Variants in PCDH11X observed in about 807,000 individuals in gnomAD.
The protein encoded by PCDH11X is protocadherin-11 X-linked.
In PCDH11X, 18 loss-of-function variants were observed where a neutral mutation model predicts 53.3. The ratio of observed to expected loss-of-function variants is 0.34; its 90% CI spans 0.23 to 0.50. PCDH11X has a LOEUF of 0.50. Ranked by LOEUF, PCDH11X falls within the 20% of genes least tolerant of loss-of-function variation. The pLI is 0.98. For missense variants in PCDH11X, 570 were observed against 1,032.4 expected, an observed-to-expected ratio of 0.55 and a Z score of 6.14; for synonymous variants, 279 against 393.3, an observed-to-expected ratio of 0.71 and a Z score of 3.44.
At chrX:92,214,101 T>C (rs1003926493) in intron 7 of PCDH11X, among the ~76,000 whole-genome samples, 3 of 111,620 alleles carry the variant, frequency 2.7e-5, no homozygotes, top group African/African-American at 9.8e-5. Flanking sequence ...TGGCTTATCA[T>C]GAGGACTCAT....
intron 10 of PCDH11X, among the ~76,000 whole-genome samples, chrX:92,486,228 T>C (rs768352301): frequency 9.0e-6 from 1 of 111,677 alleles, no homozygotes; most frequent in South Asian, 3.7e-4. Flanking sequence ...CAATCTTATT[T>C]ATGAACACTT....
rs1375197002 is a variant in PCDH11X at position 92,083,188 on chromosome X, CTG to C, written c.3034-118183_3034-118182del. On this transcript the variant is annotated intron_variant, in intron 6 of 10. Transcript: ENST00000682573. ...CTAGGAAATATATGGTTGGATGGAACTGTGTCAGAGCAAGCAAGAGTCACCAG... is the reference window on the plus strand; with the variant it reads ...CTAGGAAATATATGGTTGGATGGAACTGTCAGAGCAAGCAAGAGTCACCAG... Among the ~76,000 whole-genome samples the C allele has an allele frequency of 1.8e-5, 2 of 111,760 alleles. 1 individual carries two copies. The highest frequency in any genetic ancestry group is 3.8e-5 in the Non-Finnish European group (2 of 53,209).
At chrX:92,562,122 A>G (rs2075140191) in intron 10 of PCDH11X, among the ~76,000 whole-genome samples, 1 of 68,738 alleles carries the variant, frequency 1.5e-5, no homozygotes, top group Non-Finnish European at 2.8e-5. Context: ...CAAAGGGGGA[A>G]CAAATACCTC....
At chrX:92,116,155 T>A (rs1446778589) in intron 6 of PCDH11X, among the ~76,000 whole-genome samples, 1 of 112,465 alleles carries the variant, frequency 8.9e-6, no homozygotes, top group East Asian at 2.8e-4. Flanking sequence ...ATGCTTAGAA[T>A]GACATACTTG....
intron 7 of PCDH11X, among the ~76,000 whole-genome samples, chrX:92,217,601 A>G (rs1370691893): frequency 1.0e-5 from 1 of 98,958 alleles, no homozygotes; most frequent in East Asian, 3.2e-4. Context: ...CACAATAATA[A>G]TGGGAGGCTT....
At chrX:92,003,608 GTTCAATC>G (rs1237213728) in intron 6 of PCDH11X, among the ~76,000 whole-genome samples, 1 of 97,303 alleles carries the variant, frequency 1.0e-5, no homozygotes, top group Non-Finnish European at 2.1e-5. Context: ...TTTCTTCTTG[GTTCAATC>G]TTGCTAGGTT....
intron 6 of PCDH11X, among the ~76,000 whole-genome samples, chrX:92,094,743 T>G (rs1443079589): frequency 2.7e-5 from 3 of 111,662 alleles, no homozygotes; most frequent in African/African-American, 9.7e-5. Flanking sequence ...ACTAGGACAA[T>G]ATGCTATGCC....
At chrX:92,214,210 TGAA>T (rs2066643608) in intron 7 of PCDH11X, among the ~76,000 whole-genome samples, 2 of 111,802 alleles carry the variant, frequency 1.8e-5, no homozygotes, top group South Asian at 7.4e-4. Flanking sequence ...GCATTTTGGG[TGAA>T]GGTATGATCC....
rs1427252680 is a variant in PCDH11X, at chrX:92,050,820, G to GCAA, written c.3034-150554_3034-150552dup. Among the ~76,000 whole-genome samples the GCAA allele has an allele frequency of 2.8e-5, 3 of 107,881 alleles. No individual in the cohort carries two copies. The East Asian group carries it at 8.8e-4, about 32-fold the overall frequency. 93.7% of individuals were successfully genotyped at this position (107,881 alleles called of 115,157 possible). A position where few individuals can be genotyped will look rare whatever the true frequency, so the allele number is the denominator to read the frequency against. Reference sequence around the variant, plus strand: ...GTTGAAAATTGATTATAATTCCCTTGCAAGTTTTGGTTCTGATTGCACTGG... The same window carrying GCAA: ...GTTGAAAATTGATTATAATTCCCTTGCAACAAGTTTTGGTTCTGATTGCACTGG... On this transcript the variant is annotated intron_variant, in intron 6 of 10. Transcript: ENST00000682573.
chrX:92,415,942 A>G (rs1379448940), intron 9 of PCDH11X, among the ~76,000 whole-genome samples: 1 of 112,000 alleles, frequency 8.9e-6, no homozygotes, highest in Non-Finnish European at 1.9e-5. Flanking sequence ...TAAAATATTC[A>G]TAGTTATTTT....
intron 6 of PCDH11X, among the ~76,000 whole-genome samples, chrX:92,088,518 AAGAAG>A (rs1289756236): frequency 9.1e-6 from 1 of 110,340 alleles, no homozygotes; most frequent in Non-Finnish European, 1.9e-5. Flanking sequence ...AATGGGTTGT[AAGAAG>A]AGAAATTACT....
intron 7 of PCDH11X, among the ~76,000 whole-genome samples, chrX:92,244,167 G>T (rs2067308275): frequency 9.2e-6 from 1 of 109,263 alleles, no homozygotes; most frequent in Non-Finnish European, 1.9e-5. Flanking sequence ...AACATTAAGG[G>T]GCATGCATTA....
At chrX:92,577,187 G>A (rs1424330840) in intron 10 of PCDH11X, among the ~76,000 whole-genome samples, 3 of 110,288 alleles carry the variant, frequency 2.7e-5, no homozygotes, top group Non-Finnish European at 5.7e-5. Context: ...ACTTTTTTTG[G>A]TTGGTAGGTT....
At chrX:92,171,756 G>A (rs1461710087) in intron 6 of PCDH11X, among the ~76,000 whole-genome samples, 4 of 110,729 alleles carry the variant, frequency 3.6e-5, no homozygotes, top group Non-Finnish European at 5.7e-5. Flanking sequence ...CACCGTGCCC[G>A]GCCCAGTTTG....
Position 92,255,734 on chromosome X carries a change from C to T in PCDH11X, c.3115-7380C>T, listed in dbSNP as rs369003211. Among the ~76,000 whole-genome samples, 5 of 112,237 alleles carry T rather than the reference C, an allele frequency of 4.5e-5. No individual in the cohort carries two copies. The East Asian group carries it at 1.4e-3, about 32-fold the overall frequency. On this transcript the variant is annotated intron_variant, in intron 7 of 10. Coordinates refer to ENST00000682573, the MANE Select transcript of PCDH11X (RefSeq NM_032968.5). ...GTCAGTGTGCCCCTACTGGAGGGTG[C>T]CTCCCAGTTAGGCTGGTCAGGGGTC...
At chrX:92,466,448 T>A (rs1365128798) in intron 9 of PCDH11X, among the ~76,000 whole-genome samples, 1 of 108,495 alleles carries the variant, frequency 9.2e-6, no homozygotes, top group Admixed American at 9.9e-5. Flanking sequence ...GTTGTTAGTA[T>A]ATAAGATATA....
chrX:91,932,869 G>T (rs2563144), intron 6 of PCDH11X, among the ~76,000 whole-genome samples: 1 of 110,934 alleles, frequency 9.0e-6, no homozygotes, highest in Non-Finnish European at 1.9e-5. Flanking sequence ...GTAGCATTTC[G>T]AATAAGAAGT....
At chrX:92,285,498 C>T (rs1228354076) in intron 8 of PCDH11X, among the ~76,000 whole-genome samples, 1 of 110,115 alleles carries the variant, frequency 9.1e-6, no homozygotes, top group Non-Finnish European at 1.9e-5. Context: ...GGTGATCCGC[C>T]CGCTTCGGCC....
chrX:92,106,006 A>T (rs760318909), intron 6 of PCDH11X, among the ~76,000 whole-genome samples: 1 of 111,375 alleles, frequency 9.0e-6, no homozygotes, highest in South Asian at 3.7e-4. Context: ...TTTGTAGGTT[A>T]TCTCATAGCT....
Sources: gnomAD v4.1 joint callset for allele counts (sites outside exome capture counted in the v4.1 genomes callset) on GRCh38, gnomAD v4.1.1 for gene constraint, MANE v1.5 for transcripts, NCBI Gene and HGNC (gene_info 2026-07-23, HGNC 2026-07-21) for gene names.